ACCSL: variants seen among roughly 807,000 people sequenced by gnomAD.
The protein encoded by ACCSL is probable inactive 1-aminocyclopropane-1-carboxylate synthase-like protein 2.
ACCSL carries 55 observed loss-of-function variants against 61.7 expected under a neutral mutation model. The observed-to-expected ratio is 0.89, with a 90% CI of 0.72 to 1.12. The LOEUF is 1.12. Ranked by LOEUF, ACCSL falls within the 50% of genes most tolerant of loss-of-function variation. The pLI is 0.00. For missense variants in ACCSL, 632 were observed against 698.0 expected (o/e 0.91, Z 1.07); for synonymous variants, 258 against 264.3 (o/e 0.98, Z 0.23).
At chr11:43,961,072 C>T in the ACCSL span, among the ~76,000 whole-genome samples, 2 of 152,200 alleles carry the variant, frequency 1.3e-5, no homozygotes, top group African/African-American at 2.4e-5. Context: ...CCTCCCGCCT[C>T]GGCCTTCCAA....
At chr11:43,965,170 T>C in the ACCSL span, among the ~76,000 whole-genome samples, 1 of 152,192 alleles carries the variant, frequency 6.6e-6, no homozygotes, top group Non-Finnish European at 1.5e-5. Flanking sequence ...ACAGAGGACA[T>C]GATCCTATAT....
chr11:43,923,506 C>T, the ACCSL span, among the ~76,000 whole-genome samples: 2 of 152,228 alleles, frequency 1.3e-5, no homozygotes, highest in African/African-American at 2.4e-5. Flanking sequence ...GCCCTCTTTC[C>T]CAACCCCATT....
chr11:44,032,346 T>C, the ACCSL span, among the ~76,000 whole-genome samples: 1 of 152,244 alleles, frequency 6.6e-6, no homozygotes, highest in Non-Finnish European at 1.5e-5. Context: ...AAGCTCTGCT[T>C]GCATGGCTCT....
the ACCSL span, chr11:43,933,390 C>T: frequency 3.2e-6 from 1 of 307,692 alleles, no homozygotes; most frequent in Non-Finnish European, 6.5e-6. Context: ...GGGTCCCATC[C>T]TGACTCCACC....
the ACCSL span, among the ~76,000 whole-genome samples, chr11:43,972,345 C>A: frequency 6.6e-6 from 1 of 152,196 alleles, no homozygotes; most frequent in Admixed American, 6.5e-5. Context: ...GTTTTTATTC[C>A]CAGCCCTATA....
Position 44,056,027 on chromosome 11 carries a change from ACTT to A in ACCSL, c.1140-5_1140-3del, listed in dbSNP as rs774645953. On this transcript the variant is annotated splice_polypyrimidine_tract_variant and intron_variant, in intron 9 of 13. Coordinates refer to ENST00000378832, the MANE Select transcript of ACCSL (RefSeq NM_001031854.2). ...CTCTATAACCTTAGTTAATTTTTCCACTTCTTCTTCAGTTTGCCTGATAGCAAC... is the reference window on the plus strand; with the variant it reads ...CTCTATAACCTTAGTTAATTTTTCCACTTCTTCAGTTTGCCTGATAGCAAC... 4.9e-5 allele frequency: 79 copies of A among 1,613,840 alleles called. 1 individual carries two copies. Among genetic ancestry groups the A allele is most frequent in the South Asian group, 3.8e-4 (35 of 91,074 alleles).
chr11:43,938,258 A>G, the ACCSL span, among the ~76,000 whole-genome samples: 1 of 152,014 alleles, frequency 6.6e-6, no homozygotes, highest in African/African-American at 2.4e-5. Context: ...GCCCTTCAAC[A>G]TTGCTTGCCT....
chr11:43,921,369 AAAAC>A, the ACCSL span, among the ~76,000 whole-genome samples: 27 of 152,322 alleles, frequency 1.8e-4, no homozygotes, highest in African/African-American at 3.4e-4. Flanking sequence ...TAAAAAACAA[AAAAC>A]AAACAAACAA....
At chr11:43,925,480 C>T in the ACCSL span, 9 of 455,732 alleles carry the variant, frequency 2.0e-5, no homozygotes, top group Middle Eastern at 6.7e-4. Context: ...GAGGTAGCGT[C>T]GTCCTCCTGA....
At chr11:43,942,846 G>A in the ACCSL span, 1 of 1,170,282 alleles carries the variant, frequency 8.5e-7, no homozygotes, top group South Asian at 4.1e-5. Context: ...CCGGCGCAGC[G>A]GCCGCCCTCG....
the ACCSL span, among the ~76,000 whole-genome samples, chr11:43,956,687 G>A: frequency 6.6e-6 from 1 of 152,166 alleles, no homozygotes. Flanking sequence ...CCAAAGTGTT[G>A]GGATTACAGG....
chr11:44,048,065 T>C lies in ACCSL; in HGVS notation c.29T>C (p.Val10Ala). 6.2e-7 allele frequency: 1 copy of C among 1,613,344 alleles called. No individual in the cohort carries two copies. The highest frequency in any genetic ancestry group is 8.5e-7 in the Non-Finnish European group (1 of 1,179,340). MSHRSDTLP[V>A]PSGQRRGRVP... ...AGTCATCGGTCAGACACCCTTCCTGTGCCCTCTGGTCAGAGGAGAGGCCGG... is the reference window on the plus strand; with the variant it reads ...AGTCATCGGTCAGACACCCTTCCTGCGCCCTCTGGTCAGAGGAGAGGCCGG... The change falls in exon 1 of 14, where the codon GTG becomes GCG. Residue 10 changes from valine to alanine, a missense_variant. Coordinates refer to ENST00000378832, the MANE Select transcript of ACCSL (RefSeq NM_001031854.2).
Position 44,050,123 on chromosome 11 carries a change from T to G in ACCSL, c.564+2T>G, listed in dbSNP as rs780860183. ...TGCATGGATCTGATGACTGAAAGAGTAAGGATGTTCTGGGCTGTGTTGGGA... is the reference window on the plus strand; with the variant it reads ...TGCATGGATCTGATGACTGAAAGAGGAAGGATGTTCTGGGCTGTGTTGGGA... On this transcript the variant is annotated splice_donor_variant, in intron 2 of 13. Coordinates refer to ENST00000378832, the MANE Select transcript of ACCSL (RefSeq NM_001031854.2). LOFTEE classifies it high-confidence loss of function. 6.2e-7 allele frequency: 1 copy of G among 1,613,162 alleles called. No homozygotes were observed. The highest frequency in any genetic ancestry group is 8.5e-7 in the Non-Finnish European group (1 of 1,179,406).
chr11:43,980,563 T>G, the ACCSL span, among the ~76,000 whole-genome samples: 22 of 152,370 alleles, frequency 1.4e-4, no homozygotes, highest in East Asian at 3.1e-3. Context: ...TTCACTATTC[T>G]GTGAATTACC....
the ACCSL span, among the ~76,000 whole-genome samples, chr11:43,938,381 TAAC>T: frequency 1.3e-5 from 2 of 152,240 alleles, no homozygotes; most frequent in South Asian, 4.1e-4. Context: ...TTGTTGGTGA[TAAC>T]AATTCCTTCA....
chr11:44,005,388 G>A, the ACCSL span, among the ~76,000 whole-genome samples: 1 of 152,132 alleles, frequency 6.6e-6, no homozygotes, highest in Non-Finnish European at 1.5e-5. Context: ...CTGCCTGGGT[G>A]GGGGAGGGGA....
At chr11:43,968,323 C>T in the ACCSL span, among the ~76,000 whole-genome samples, 2 of 152,060 alleles carry the variant, frequency 1.3e-5, 1 homozygote, top group South Asian at 4.2e-4. Flanking sequence ...CCCCCTGAGC[C>T]CCAGTCCCCT....
chr11:44,058,592 G>T lies in ACCSL; in HGVS notation c.1517G>T (p.Arg506Leu). The T allele has an allele frequency of 2.5e-6, 4 of 1,614,068 alleles. No individual in the cohort carries two copies. The highest frequency in any genetic ancestry group is 3.4e-6 in the Non-Finnish European group (4 of 1,180,012). Reference sequence around the variant, plus strand: ...GAAGAAGAACGGCTCCTCTATTGCCGCTTCCTGGACAACAAGCTATTGTTA... The same window carrying T: ...GAAGAAGAACGGCTCCTCTATTGCCTCTTCCTGGACAACAAGCTATTGTTA... ...TFEEERLLYC[R>L]FLDNKLLLSR... Residue 506 changes from arginine to leucine, a missense_variant, in exon 13 of 14, where the codon CGC becomes CTC. Physicochemically the swap from Arg to Leu is moderately radical, Grantham distance 102. Transcript: ENST00000378832.
chr11:44,009,816 A>G, the ACCSL span, among the ~76,000 whole-genome samples: 1 of 152,126 alleles, frequency 6.6e-6, no homozygotes, highest in Non-Finnish European at 1.5e-5. Context: ...CCAATTGTGC[A>G]TCTTGGAATC....
Sources: allele counts gnomAD v4.1 joint callset (sites outside exome capture counted in the v4.1 genomes callset), GRCh38; gene constraint gnomAD v4.1.1; transcripts MANE v1.5; gene names NCBI Gene and HGNC (gene_info 2026-07-23, HGNC 2026-07-21).